Variants in ARHGAP28 observed in about 807,000 individuals in gnomAD.
The protein encoded by ARHGAP28 is Rho GTPase activating protein 28, also known as rho GTPase-activating protein 28.
ARHGAP28 carries 56 observed loss-of-function variants against 90.7 expected under a neutral mutation model. The observed-to-expected ratio is 0.62, with a 90% CI of 0.50 to 0.77. The LOEUF is 0.77. Ranked by LOEUF, ARHGAP28 falls within the 30% of genes least tolerant of loss-of-function variation. ARHGAP28 has a pLI of 0.00. For missense variants in ARHGAP28, 869 were observed against 900.9 expected, an observed-to-expected ratio of 0.96 and a Z score of 0.45; for synonymous variants, 308 against 323.3, an observed-to-expected ratio of 0.95 and a Z score of 0.51.
chr18:6,863,593 T>C (rs1250904435), intron 5 of ARHGAP28, among the ~76,000 whole-genome samples: 1 of 151,926 alleles, frequency 6.6e-6, no homozygotes, highest in Non-Finnish European at 1.5e-5. Flanking sequence ...AGGGTTATGC[T>C]AACCTTTGTA....
At chr18:6,817,356 G>A (rs1187061883) in intron 1 of ARHGAP28, among the ~76,000 whole-genome samples, 1 of 151,624 alleles carries the variant, frequency 6.6e-6, no homozygotes, top group Non-Finnish European at 1.5e-5. Context: ...AACAAAACAA[G>A]AAGAGAGAAT....
chr18:6,908,005 G>A (rs527940924), intron 16 of ARHGAP28, among the ~76,000 whole-genome samples: 2 of 152,290 alleles, frequency 1.3e-5, no homozygotes, highest in African/African-American at 4.8e-5. Flanking sequence ...TGGGGATGGA[G>A]GTCAGCGATG....
chr18:6,880,694 CTT>C (rs2057171010), intron 10 of ARHGAP28, among the ~76,000 whole-genome samples: 3 of 152,178 alleles, frequency 2.0e-5, no homozygotes, highest in Admixed American at 2.0e-4. Flanking sequence ...GCAGGATCCC[CTT>C]CTATTTCCTA....
chr18:6,742,417 A>G (rs1008936136), intron 1 of ARHGAP28, among the ~76,000 whole-genome samples: 2 of 151,768 alleles, frequency 1.3e-5, no homozygotes, highest in African/African-American at 2.4e-5. Context: ...TGATCCACCC[A>G]CCTCGGCTTT....
chr18:6,765,054 T>C (rs778037216), intron 1 of ARHGAP28, among the ~76,000 whole-genome samples: 44 of 152,370 alleles, frequency 2.9e-4, no homozygotes, highest in Admixed American at 1.2e-3. Flanking sequence ...AGATTTGATT[T>C]GCTAATGTTT....
At chr18:6,742,450 G>GT (rs1343384876) in intron 1 of ARHGAP28, among the ~76,000 whole-genome samples, 3 of 152,084 alleles carry the variant, frequency 2.0e-5, no homozygotes, top group African/African-American at 7.2e-5. Flanking sequence ...GATTACAGCC[G>GT]TGAGCCATCG....
chr18:6,789,845 T>C (rs945032285), intron 1 of ARHGAP28: 1 of 151,914 alleles, frequency 6.6e-6, no homozygotes, highest in Non-Finnish European at 1.5e-5. Context: ...GTTTTTTTTT[T>C]GAGACAGAGT....
intron 2 of ARHGAP28, among the ~76,000 whole-genome samples, chr18:6,827,903 T>C (rs1172631332): frequency 7.0e-6 from 1 of 142,100 alleles, no homozygotes; most frequent in South Asian, 2.3e-4. Context: ...ACTTCCTAGA[T>C]GGGATGGCGG....
chr18:6,850,995 A>T (rs2056906019), intron 3 of ARHGAP28, 39 bp from the exon 4 acceptor site: 2 of 1,610,774 alleles, frequency 1.2e-6, no homozygotes, highest in South Asian at 2.2e-5. Flanking sequence ...ATTTGGAAAG[A>T]TATGCCTGGA....
intron 4 of ARHGAP28, among the ~76,000 whole-genome samples, chr18:6,855,067 C>T (rs1191694250): frequency 6.6e-6 from 1 of 152,204 alleles, no homozygotes; most frequent in African/African-American, 2.4e-5. Flanking sequence ...TCGGCACAGG[C>T]CTGCAGGTGC....
intron 1 of ARHGAP28, among the ~76,000 whole-genome samples, chr18:6,759,006 A>G (rs8094977): frequency 0.63 from 95,860 of 152,100 alleles, 31,304 homozygotes; most frequent in Middle Eastern, 0.72. Context: ...GTAAAATTAA[A>G]TTTGAATAAA....
At position 6,781,445 on chromosome 18, in the gene ARHGAP28, G is replaced by A. The variant is rs769245755; in HGVS notation, c.123-43317G>A. On this transcript the variant is annotated intron_variant, in intron 1 of 17. Transcript: ENST00000383472. ...AGGCTCTGAGAATCAATCAGTCTCTGTCTGCTTCCTTTTCTCTCTCAGCTA... is the reference window on the plus strand; with the variant it reads ...AGGCTCTGAGAATCAATCAGTCTCTATCTGCTTCCTTTTCTCTCTCAGCTA... 5.6e-4 allele frequency among the ~76,000 whole-genome samples: 86 copies of A among 152,306 alleles called. 1 individual carries two copies. The highest frequency in any genetic ancestry group is 1.5e-3 in the Admixed American group (23 of 15,298).
intron 1 of ARHGAP28, among the ~76,000 whole-genome samples, chr18:6,786,558 C>T (rs998521416): frequency 6.6e-6 from 1 of 152,162 alleles, no homozygotes; most frequent in Non-Finnish European, 1.5e-5. Flanking sequence ...CGCCCCCCAG[C>T]ATGCCTTTTT....
intron 1 of ARHGAP28, among the ~76,000 whole-genome samples, chr18:6,771,724 C>T (rs142879742): frequency 2.0e-4 from 31 of 152,276 alleles, no homozygotes; most frequent in Middle Eastern, 3.4e-3. Flanking sequence ...GTTTCTGATC[C>T]TTGAGACTAT....
At chr18:6,757,908 G>A (rs1174673167) in intron 1 of ARHGAP28, among the ~76,000 whole-genome samples, 1 of 152,132 alleles carries the variant, frequency 6.6e-6, no homozygotes, top group East Asian at 1.9e-4. Flanking sequence ...GAAGATAAAT[G>A]AGCTCTGCCC....
intron 1 of ARHGAP28, among the ~76,000 whole-genome samples, chr18:6,814,846 C>T (rs529899969): frequency 6.6e-6 from 1 of 152,240 alleles, no homozygotes; most frequent in South Asian, 2.1e-4. Flanking sequence ...AATTCAGAAG[C>T]ACAAAACCTA....
chr18:6,869,327 C>T (rs1009310791), intron 6 of ARHGAP28, among the ~76,000 whole-genome samples: 73 of 134,066 alleles, frequency 5.4e-4, no homozygotes, highest in African/African-American at 2.0e-3. Context: ...GTAGCACGAT[C>T]TCAGCTCACT....
At chr18:6,903,590 T>A (rs28441337) in intron 16 of ARHGAP28, among the ~76,000 whole-genome samples, 3,219 of 152,032 alleles carry the variant, frequency 0.021, 93 homozygotes, top group African/African-American at 0.074. Flanking sequence ...TCCAGCACTT[T>A]GGGAGGCCGA....
chr18:6,810,719 G>GT (rs923710743), intron 1 of ARHGAP28, among the ~76,000 whole-genome samples: 2 of 152,108 alleles, frequency 1.3e-5, no homozygotes, highest in Non-Finnish European at 2.9e-5. Flanking sequence ...GGGAGAGGGT[G>GT]TTATATAGAG....
Sources: gnomAD v4.1 joint callset for allele counts (sites outside exome capture counted in the v4.1 genomes callset) on GRCh38, gnomAD v4.1.1 for gene constraint, MANE v1.5 for transcripts, NCBI Gene and HGNC (gene_info 2026-07-23, HGNC 2026-07-21) for gene names.